Variants in ANXA7 observed in about 807,000 individuals in gnomAD.
ANXA7 encodes annexin A7.
A neutral mutation model predicts 64.9 loss-of-function variants in ANXA7; 55 were observed. The observed-to-expected ratio is 0.85, with a 90% CI of 0.68 to 1.06. The LOEUF (loss-of-function observed/expected upper bound fraction) is 1.06, where lower values mean the gene tolerates loss of function less well. Ranked by LOEUF, ANXA7 falls within the 50% of genes least tolerant of loss-of-function variation. The pLI, the probability that ANXA7 is intolerant of heterozygous loss-of-function variation, is 0.00. For missense variants in ANXA7, 548 were observed against 582.1 expected (o/e 0.94, Z 0.60); for synonymous variants, 200 against 192.4 (o/e 1.04, Z -0.33).
chr10:73,398,206 T>G lies in ANXA7; in HGVS notation c.234A>C (p.Pro78=), dbSNP rs2055606549. The G allele has an allele frequency of 6.2e-7, 1 of 1,613,262 alleles. No individual in the cohort carries two copies. The highest frequency in any genetic ancestry group is 2.2e-5 in the East Asian group (1 of 44,864). ...APGGYPGAPQ[P]GGAPSYPGVP... Reference sequence around the variant, plus strand: ...CTCCGGGATAGGATGGAGCTCCCCCTGGCTGTGGGGCACCAGGATAGCCTC... The same window carrying G: ...CTCCGGGATAGGATGGAGCTCCCCCGGGCTGTGGGGCACCAGGATAGCCTC... Residue 78 remains proline, a synonymous_variant, in exon 3 of 13, where the codon CCA becomes CCC. Coordinates refer to ENST00000372921, the MANE Select transcript of ANXA7 (RefSeq NM_001156.5).
intron 7 of ANXA7, among the ~76,000 whole-genome samples, chr10:73,385,378 TAA>T (rs2055350648): frequency 6.6e-6 from 1 of 152,132 alleles, no homozygotes; most frequent in East Asian, 1.9e-4. Flanking sequence ...TAAGAGGTAA[TAA>T]AGTCTTGGAC....
intron 12 of ANXA7, among the ~76,000 whole-genome samples, chr10:73,377,783 T>G (rs1001184236): frequency 6.0e-5 from 9 of 148,822 alleles, no homozygotes; most frequent in East Asian, 2.0e-4. Context: ...GGTGTGTGTG[T>G]GTGTGTGTGT....
chr10:73,408,612 G>T (rs1480834074), intron 1 of ANXA7, among the ~76,000 whole-genome samples: 1 of 152,116 alleles, frequency 6.6e-6, no homozygotes, highest in Non-Finnish European at 1.5e-5. Context: ...ATAAGGCAAA[G>T]ATTATCTGTA....
chr10:73,405,840 T>C (rs2055748191), intron 1 of ANXA7, among the ~76,000 whole-genome samples: 1 of 152,186 alleles, frequency 6.6e-6, no homozygotes, highest in African/African-American at 2.4e-5. Flanking sequence ...TCTGTATGTG[T>C]ATAATAAAAT....
intron 5 of ANXA7, among the ~76,000 whole-genome samples, chr10:73,394,557 G>C (rs1435996766): frequency 6.6e-6 from 1 of 152,216 alleles, no homozygotes; most frequent in African/African-American, 2.4e-5. Flanking sequence ...CATGTCCTTT[G>C]TAGGGACATG....
intron 1 of ANXA7, among the ~76,000 whole-genome samples, chr10:73,407,148 G>A (rs1419781004): frequency 2.0e-5 from 3 of 151,956 alleles, no homozygotes; most frequent in African/African-American, 7.3e-5. Flanking sequence ...ACAATCTCGG[G>A]TCACTGCAGC....
At chr10:73,390,162 A>C (rs1449033314) in intron 5 of ANXA7, among the ~76,000 whole-genome samples, 1 of 152,222 alleles carries the variant, frequency 6.6e-6, no homozygotes, top group Non-Finnish European at 1.5e-5. Flanking sequence ...TTAAACATGC[A>C]ATCAATACCA....
At chr10:73,393,414 C>A (rs2055517989) in intron 5 of ANXA7, among the ~76,000 whole-genome samples, 1 of 152,052 alleles carries the variant, frequency 6.6e-6, no homozygotes. Context: ...AATCCTAAGC[C>A]AAAAGAACAA....
intron 7 of ANXA7, 46 bp downstream of exon 7, chr10:73,387,643 G>A (rs773815567): frequency 1.4e-6 from 2 of 1,418,334 alleles, no homozygotes; most frequent in African/African-American, 2.8e-5. Flanking sequence ...TGAATGCAGA[G>A]TCTACCAGCC....
chr10:73,403,475 G>A (rs2055706047), intron 1 of ANXA7, among the ~76,000 whole-genome samples: 1 of 152,106 alleles, frequency 6.6e-6, no homozygotes, highest in Non-Finnish European at 1.5e-5. Context: ...GCAACAGAGT[G>A]AGACCGTGTC....
chr10:73,384,160 ATAAATT>A (rs1362133845), intron 7 of ANXA7, among the ~76,000 whole-genome samples: 1 of 152,054 alleles, frequency 6.6e-6, no homozygotes, highest in Admixed American at 6.6e-5. Context: ...AAAGAAGTAA[ATAAATT>A]TAAAGTCTGT....
intron 5 of ANXA7, among the ~76,000 whole-genome samples, chr10:73,393,890 G>T (rs1020057313): frequency 2.0e-5 from 3 of 152,014 alleles, no homozygotes; most frequent in Non-Finnish European, 4.4e-5. Flanking sequence ...GCTTCTGCAC[G>T]GCAAAAGAAA....
chr10:73,406,752 G>A (rs754548443), intron 1 of ANXA7, among the ~76,000 whole-genome samples: 3 of 151,826 alleles, frequency 2.0e-5, no homozygotes, highest in Non-Finnish European at 4.4e-5. Context: ...TGTATTTTTA[G>A]TAAAGACGGG....
At chr10:73,383,836 T>G (rs2055314985) in intron 7 of ANXA7, 146 bp from the exon 8 acceptor site, 2 of 639,440 alleles carry the variant, frequency 3.1e-6, no homozygotes, top group South Asian at 3.9e-5. Context: ...AAGAAGTAAA[T>G]AAAGGCCAGG....
At chr10:73,383,726 T>G (rs1306670270) in intron 7 of ANXA7, 36 bp from the exon 8 acceptor site, 14 of 1,352,964 alleles carry the variant, frequency 1.0e-5, no homozygotes, top group Non-Finnish European at 1.5e-5. Flanking sequence ...GTATATGTGT[T>G]CTCCAAATTT....
At chr10:73,411,348 T>C (rs2055834595) in intron 1 of ANXA7, among the ~76,000 whole-genome samples, 1 of 152,172 alleles carries the variant, frequency 6.6e-6, no homozygotes, top group African/African-American at 2.4e-5. Flanking sequence ...TTAGGTACAA[T>C]GTACATTACT....
chr10:73,399,820 C>CA (rs111273580), intron 2 of ANXA7, among the ~76,000 whole-genome samples: 15,665 of 150,066 alleles, frequency 0.1, 1,166 homozygotes, highest in East Asian at 0.3. Context: ...GACTCCATCT[C>CA]AAAAACAAAA....
chr10:73,379,586 T>C (rs2055240773), intron 11 of ANXA7, among the ~76,000 whole-genome samples: 1 of 152,208 alleles, frequency 6.6e-6, no homozygotes, highest in Non-Finnish European at 1.5e-5. Flanking sequence ...TATCAGGTAT[T>C]CTGGCACAGT....
intron 3 of ANXA7, 96 bp downstream of exon 3, chr10:73,398,085 C>T (rs2055603887): frequency 6.2e-6 from 8 of 1,292,042 alleles, no homozygotes; most frequent in Admixed American, 2.5e-5. Context: ...GCGACTTGAC[C>T]TTATACAAAA....
Sources: allele counts gnomAD v4.1 joint callset (sites outside exome capture counted in the v4.1 genomes callset), GRCh38; gene constraint gnomAD v4.1.1; transcripts MANE v1.5; gene names NCBI Gene and HGNC (gene_info 2026-07-23, HGNC 2026-07-21).